Variants in SYN2 observed in about 807,000 individuals in gnomAD.
SYN2 encodes synapsin II.
In SYN2, 19 loss-of-function variants were observed where a neutral mutation model predicts 50.9. The observed-to-expected ratio is 0.37, with a 90% confidence interval of 0.26 to 0.55. The LOEUF (loss-of-function observed/expected upper bound fraction) is 0.55, where lower values mean the gene tolerates loss of function less well. SYN2 is among the 20% of genes least tolerant of loss of function. The pLI, the probability that SYN2 is intolerant of heterozygous loss-of-function variation, is 0.81. For missense variants in SYN2, 587 were observed against 576.4 expected, an observed-to-expected ratio of 1.02 and a Z score of -0.19; for synonymous variants, 255 against 224.9, an observed-to-expected ratio of 1.13 and a Z score of -1.20.
chr3:12,133,897 T>A (rs564694138), intron 1 of SYN2, among the ~76,000 whole-genome samples: 28 of 152,318 alleles, frequency 1.8e-4, no homozygotes, highest in African/African-American at 6.7e-4. Flanking sequence ...TCCTAGAATA[T>A]TGGCAAATTA....
At chr3:12,081,138 G>A (rs924763354) in intron 1 of SYN2, among the ~76,000 whole-genome samples, 2 of 152,128 alleles carry the variant, frequency 1.3e-5, no homozygotes, top group Non-Finnish European at 2.9e-5. Flanking sequence ...TATTAACCTC[G>A]TATAGTGCTG....
intron 1 of SYN2, among the ~76,000 whole-genome samples, chr3:12,098,513 T>A (rs1457804933): frequency 6.6e-6 from 1 of 152,102 alleles, no homozygotes; most frequent in Non-Finnish European, 1.5e-5. Context: ...TGTTACAAAT[T>A]AATATGTTAA....
At chr3:12,153,588 A>C in intron 5 of SYN2, 1 of 1,614,170 alleles carries the variant, frequency 6.2e-7, no homozygotes, top group South Asian at 1.1e-5. Flanking sequence ...GGTGCCGTCA[A>C]CATGCTTCAT....
chr3:12,050,711 C>CTTTTTTTTTTTTTTTTTTTT lies in SYN2; in HGVS notation c.377+45799_377+45818dup, dbSNP rs57099569. ...AATAATCTCATCTTTCTTCTCTTCT[C>CTTTTTTTTTTTTTTTTTTTT]TTTTTTTTTTTTTTTTTTTTTTTTT... On this transcript the variant is annotated intron_variant, in intron 1 of 12. Transcript: ENST00000621198. 6.1e-4 allele frequency among the ~76,000 whole-genome samples: 31 copies of CTTTTTTTTTTTTTTTTTTTT among 50,578 alleles called. 11 individuals carry two copies. Among genetic ancestry groups the CTTTTTTTTTTTTTTTTTTTT allele is most frequent in the Admixed American group, 2.2e-3 (6 of 2,718 alleles). 33.2% of individuals were successfully genotyped at this position (50,578 alleles called of 152,430 possible).
At chr3:12,128,048 C>T (rs567438227) in intron 1 of SYN2, among the ~76,000 whole-genome samples, 3 of 149,624 alleles carry the variant, frequency 2.0e-5, no homozygotes, top group East Asian at 2.0e-4. Context: ...CAGGCTGAAG[C>T]GATCCTCCCA....
rs144075669 is a variant in SYN2 at position 12,044,258 on chromosome 3, A to G, written c.377+39330A>G. On this transcript the variant is annotated intron_variant, in intron 1 of 12. Coordinates refer to ENST00000621198, the MANE Select transcript of SYN2 (RefSeq NM_133625.6). ...AGGATTCAAGTGAGGAGAGGGCAGT[A>G]AGACATGAACATGAATAGCATGAGC... is the stretch of plus-strand genomic sequence containing the variant. Among the ~76,000 whole-genome samples the G allele has an allele frequency of 4.0e-5, 6 of 151,846 alleles. No homozygotes were observed. In the East Asian group the frequency reaches 1.2e-3, roughly 29 times the overall value.
At chr3:12,178,579 TG>T (rs1428335252) in intron 10 of SYN2, among the ~76,000 whole-genome samples, 2 of 152,234 alleles carry the variant, frequency 1.3e-5, no homozygotes, top group Non-Finnish European at 2.9e-5. Context: ...ACAGAAGGCA[TG>T]GTATAACCCA....
chr3:12,005,016 C>G, intron 1 of SYN2, 88 bp downstream of exon 1: 2 of 393,816 alleles, frequency 5.1e-6, no homozygotes, highest in Non-Finnish European at 9.0e-6. Flanking sequence ...GCCGAGGAAA[C>G]GTTTCAGACC....
At chr3:12,038,549 GA>G (rs1398953378) in intron 1 of SYN2, among the ~76,000 whole-genome samples, 1 of 152,004 alleles carries the variant, frequency 6.6e-6, no homozygotes, top group African/African-American at 2.4e-5. Context: ...CATGAACACA[GA>G]TTTTTTTCAT....
At chr3:12,033,487 A>G (rs1477030380) in intron 1 of SYN2, among the ~76,000 whole-genome samples, 1 of 135,226 alleles carries the variant, frequency 7.4e-6, no homozygotes, top group African/African-American at 2.7e-5. Flanking sequence ...GACTAATACA[A>G]TATGTAGCTG....
chr3:12,120,183 G>T (rs1283860000), intron 1 of SYN2, among the ~76,000 whole-genome samples: 1 of 152,124 alleles, frequency 6.6e-6, no homozygotes, highest in African/African-American at 2.4e-5. Flanking sequence ...GGAAACAGAG[G>T]CCTAGGAAGT....
At chr3:12,065,838 C>T (rs1283673143) in intron 1 of SYN2, among the ~76,000 whole-genome samples, 1 of 152,304 alleles carries the variant, frequency 6.6e-6, no homozygotes, top group East Asian at 1.9e-4. Flanking sequence ...TGCACATGTA[C>T]TCCCTGAATC....
chr3:12,040,052 G>A (rs1694578711), intron 1 of SYN2, among the ~76,000 whole-genome samples: 1 of 152,154 alleles, frequency 6.6e-6, no homozygotes, highest in South Asian at 2.1e-4. Flanking sequence ...AATGATTAAA[G>A]TACAAAGTAT....
At chr3:12,120,687 T>C (rs1696537176) in intron 1 of SYN2, among the ~76,000 whole-genome samples, 1 of 152,198 alleles carries the variant, frequency 6.6e-6, no homozygotes, top group Non-Finnish European at 1.5e-5. Flanking sequence ...TTCACAGGCC[T>C]CTAGCCACTA....
At chr3:12,005,994 TTG>T (rs1007935114) in intron 1 of SYN2, among the ~76,000 whole-genome samples, 4 of 130,074 alleles carry the variant, frequency 3.1e-5, no homozygotes, top group African/African-American at 1.4e-4. Context: ...AGCAAGGGTT[TTG>T]TTTTTTTTTT....
intron 1 of SYN2, among the ~76,000 whole-genome samples, chr3:12,007,474 T>C (rs1250298216): frequency 1.3e-5 from 2 of 152,132 alleles, no homozygotes; most frequent in Admixed American, 6.5e-5. Context: ...GAGCAGGTGC[T>C]TGCCGTGACA....
chr3:12,179,836 C>G (rs979328568), intron 10 of SYN2, among the ~76,000 whole-genome samples: 14 of 152,328 alleles, frequency 9.2e-5, no homozygotes, highest in African/African-American at 3.1e-4. Flanking sequence ...TTCCCCTTGT[C>G]AAGACATAGA....
At chr3:12,091,043 A>G (rs1321737264) in intron 1 of SYN2, among the ~76,000 whole-genome samples, 1 of 152,204 alleles carries the variant, frequency 6.6e-6, no homozygotes, top group Non-Finnish European at 1.5e-5. Context: ...TCCTTCTTCT[A>G]TCTCTTCCCC....
In SYN2 at chr3:12,161,473, G is replaced by T. The variant is rs1195241400; in HGVS notation, c.775-73G>T. 3 of 1,568,342 alleles carry T rather than the reference G, an allele frequency of 1.9e-6. No individual in the cohort carries two copies. In the African/African-American group the frequency reaches 4.1e-5, roughly 21 times the overall value. ...AGAACCCTCCCAAGGGTATTCCCAA[G>T]AAAAATATGTGTAGGATTCCACGGA... is the stretch of plus-strand genomic sequence containing the variant. On this transcript the variant is annotated intron_variant, in intron 5 of 12. Coordinates refer to ENST00000621198, the MANE Select transcript of SYN2 (RefSeq NM_133625.6).
Sources: gnomAD v4.1 joint callset for allele counts (sites outside exome capture counted in the v4.1 genomes callset) on GRCh38, gnomAD v4.1.1 for gene constraint, MANE v1.5 for transcripts, NCBI Gene and HGNC (gene_info 2026-07-23, HGNC 2026-07-21) for gene names.